The following ZFAT variants were observed in gnomAD, a reference collection of about 807,000 sequenced individuals.
ZFAT encodes the protein zinc finger and AT-hook domain containing.
ZFAT carries 64 observed loss-of-function variants against 117.7 expected under a neutral mutation model. The ratio of observed to expected loss-of-function variants is 0.54; its 90% confidence interval spans 0.44 to 0.67. The LOEUF is 0.67. ZFAT is among the 30% of genes least tolerant of loss of function. ZFAT has a pLI of 0.00. For missense variants in ZFAT, 1,433 were observed against 1,584.5 expected (o/e 0.90, Z 1.62); for synonymous variants, 679 against 615.0 (o/e 1.10, Z -1.54).
intron 15 of ZFAT, among the ~76,000 whole-genome samples, chr8:134,494,168 G>T (rs945826912): frequency 6.6e-6 from 1 of 152,110 alleles, no homozygotes; most frequent in African/African-American, 2.4e-5. Context: ...CCACACCCCT[G>T]CCTGGTGATC....
chr8:134,489,563 G>A (rs974049503), intron 15 of ZFAT, among the ~76,000 whole-genome samples: 9 of 152,090 alleles, frequency 5.9e-5, no homozygotes, highest in Non-Finnish European at 7.4e-5. Context: ...CTCTCTGGCT[G>A]TTCTCTCTCC....
intron 12 of ZFAT, among the ~76,000 whole-genome samples, chr8:134,527,059 C>A (rs570322713): frequency 6.8e-6 from 1 of 147,636 alleles, no homozygotes; most frequent in African/African-American, 2.6e-5. Flanking sequence ...GGGCCTAATG[C>A]TATCACAGGG....
chr8:134,814,536 T>C, the ZFAT span, among the ~76,000 whole-genome samples: 1 of 152,244 alleles, frequency 6.6e-6, no homozygotes, highest in Non-Finnish European at 1.5e-5. Context: ...AACTGGCTTA[T>C]GGCTGGGAGG....
intron 15 of ZFAT, among the ~76,000 whole-genome samples, chr8:134,494,687 A>G (rs148152986): frequency 6.6e-5 from 10 of 152,328 alleles, no homozygotes; most frequent in Non-Finnish European, 1.3e-4. Context: ...CCCTTGCCCA[A>G]GGTAGAAAAA....
At chr8:134,497,322 A>C (rs1818521710) in intron 15 of ZFAT, among the ~76,000 whole-genome samples, 1 of 152,280 alleles carries the variant, frequency 6.6e-6, no homozygotes, top group South Asian at 2.1e-4. Context: ...GAAAGAGAAC[A>C]GCATCCTCTG....
At chr8:134,499,373 T>C (rs1429629903) in intron 15 of ZFAT, among the ~76,000 whole-genome samples, 2 of 147,348 alleles carry the variant, frequency 1.4e-5, no homozygotes, top group African/African-American at 5.0e-5. Flanking sequence ...AGAGCCTGAT[T>C]TGGGAGGGTT....
intron 15 of ZFAT, among the ~76,000 whole-genome samples, chr8:134,503,085 A>T (rs778910636): frequency 6.6e-6 from 1 of 152,224 alleles, no homozygotes; most frequent in Non-Finnish European, 1.5e-5. Flanking sequence ...TGCCACGTAG[A>T]GTGCTGCTAA....
At chr8:134,531,852 A>G (rs960609391) in intron 12 of ZFAT, among the ~76,000 whole-genome samples, 1 of 152,232 alleles carries the variant, frequency 6.6e-6, no homozygotes, top group Non-Finnish European at 1.5e-5. Context: ...GATGCATTTC[A>G]TGGCTATTAC....
At chr8:134,640,770 C>T (rs1830535812) in intron 2 of ZFAT, among the ~76,000 whole-genome samples, 1 of 152,110 alleles carries the variant, frequency 6.6e-6, no homozygotes, top group Non-Finnish European at 1.5e-5. Context: ...AATTAGCTAG[C>T]TAAAAATGAA....
intron 7 of ZFAT, chr8:134,597,606 A>G (rs1827061609): frequency 6.6e-6 from 1 of 152,000 alleles, no homozygotes; most frequent in African/African-American, 2.4e-5. Flanking sequence ...TTTTGCCATT[A>G]CTGTTTATTG....
At chr8:134,755,663 T>A in the ZFAT span, among the ~76,000 whole-genome samples, 1 of 150,208 alleles carries the variant, frequency 6.7e-6, no homozygotes, top group Admixed American at 6.6e-5. Flanking sequence ...AATACAAAAA[T>A]TGTCTGGGTG....
intron 3 of ZFAT, among the ~76,000 whole-genome samples, chr8:134,626,239 C>T (rs949314274): frequency 4.6e-5 from 7 of 152,138 alleles, no homozygotes; most frequent in South Asian, 2.1e-4. Flanking sequence ...TGAATTCACA[C>T]GACTCTGAAG....
Position 134,550,325 on chromosome 8 carries a change from A to ACAAAACAAC in ZFAT, c.2976+15007_2976+15008insGTTGTTTTG, listed in dbSNP as rs1401327081. On this transcript the variant is annotated intron_variant, in intron 11 of 15. Transcript: ENST00000377838. ...GGTCACAACGGAAAAAAAAAAAAAAAAAAAAAACAGCACAGGGTAAAGATC... is the reference window on the plus strand; with the variant it reads ...GGTCACAACGGAAAAAAAAAAAAAAACAAAACAACAAAAAAACAGCACAGGGTAAAGATC... Among the ~76,000 whole-genome samples, 325 of 150,628 alleles carry ACAAAACAAC rather than the reference A, an allele frequency of 2.2e-3. 3 individuals are homozygous for ACAAAACAAC. Among genetic ancestry groups the ACAAAACAAC allele is most frequent in the African/African-American group, 7.8e-3 (316 of 40,494 alleles).
chr8:134,653,564 C>T (rs954096935), intron 2 of ZFAT, among the ~76,000 whole-genome samples: 48 of 151,056 alleles, frequency 3.2e-4, no homozygotes, highest in African/African-American at 1.1e-3. Flanking sequence ...CACACACAGC[C>T]GAAAAAGAAC....
chr8:134,727,286 T>C, the ZFAT span, among the ~76,000 whole-genome samples: 1 of 152,154 alleles, frequency 6.6e-6, no homozygotes, highest in Non-Finnish European at 1.5e-5. Context: ...GCCAGGCTGG[T>C]GGACACCTGA....
At chr8:134,490,924 C>T (rs1818005496) in intron 15 of ZFAT, among the ~76,000 whole-genome samples, 2 of 152,164 alleles carry the variant, frequency 1.3e-5, no homozygotes, top group South Asian at 2.1e-4. Context: ...CTGCCTAGAG[C>T]TCTCCTCCAC....
At chr8:134,568,496 C>CT (rs1167066276) in intron 10 of ZFAT, among the ~76,000 whole-genome samples, 3 of 152,206 alleles carry the variant, frequency 2.0e-5, no homozygotes, top group Non-Finnish European at 4.4e-5. Context: ...GGAAGCAGAG[C>CT]TGATGGAACC....
At chr8:134,740,022 C>G in the ZFAT span, among the ~76,000 whole-genome samples, 3 of 152,190 alleles carry the variant, frequency 2.0e-5, no homozygotes, top group African/African-American at 7.2e-5. Flanking sequence ...CAGAATCCCC[C>G]CAGCAGAACC....
chr8:134,589,709 A>C (rs989835106), intron 8 of ZFAT, among the ~76,000 whole-genome samples: 2 of 152,226 alleles, frequency 1.3e-5, no homozygotes, highest in East Asian at 3.9e-4. Flanking sequence ...GCCTCCCCAG[A>C]GGCAGGGCTC....
Sources: allele counts gnomAD v4.1 joint callset (sites outside exome capture counted in the v4.1 genomes callset), GRCh38; gene constraint gnomAD v4.1.1; transcripts MANE v1.5; gene names NCBI Gene and HGNC (gene_info 2026-07-23, HGNC 2026-07-21).